PBRM1: variants seen among roughly 807,000 people sequenced by gnomAD.
PBRM1 encodes polybromo 1, also known as protein polybromo-1.
A neutral mutation model predicts 194.5 loss-of-function variants in PBRM1; 27 were observed. The ratio of observed to expected loss-of-function variants is 0.14; its 90% confidence interval spans 0.10 to 0.19. The LOEUF is 0.19. Ranked by LOEUF, PBRM1 falls within the 10% of genes least tolerant of loss-of-function variation. PBRM1 has a pLI of 1.00. For synonymous variants in PBRM1, 655 were observed against 693.2 expected (o/e 0.94, Z 0.87); for missense variants, 1,466 against 2,077.2 (o/e 0.71, Z 5.72).
exon 24 of PBRM1, chr3:52,563,287 G>A (rs1031849363): frequency 1.2e-6 from 2 of 1,611,852 alleles, no homozygotes; most frequent in Non-Finnish European, 1.7e-6. Context: ...CTTCACCTGT[G>A]GGGGTGTGTA....
chr3:52,584,926 A>T (rs1056803430), intron 20 of PBRM1, among the ~76,000 whole-genome samples: 1 of 152,100 alleles, frequency 6.6e-6, no homozygotes, highest in Admixed American at 6.6e-5. Context: ...TATGAATTTA[A>T]AAAAAAATTA....
rs2083648877 is a variant in PBRM1 at position 52,561,982 on chromosome 3, A to T, written c.4087-14T>A. 1 of 1,596,876 alleles carries T rather than the reference A, an allele frequency of 6.3e-7. No individual in the cohort carries two copies. Among genetic ancestry groups the T allele is most frequent in the South Asian group, 1.1e-5 (1 of 90,720 alleles). ...CTTTGGGGTAGACTGTAAGACAGAAAGGTCTTATGGTGCATCAAAACATTA... is the reference window on the plus strand; with the variant it reads ...CTTTGGGGTAGACTGTAAGACAGAATGGTCTTATGGTGCATCAAAACATTA... On this transcript the variant is annotated splice_polypyrimidine_tract_variant and intron_variant, in intron 24 of 29. Transcript: ENST00000296302.
intron 22 of PBRM1, among the ~76,000 whole-genome samples, chr3:52,575,893 A>T (rs916032069): frequency 1.3e-5 from 2 of 152,068 alleles, no homozygotes; most frequent in Admixed American, 6.6e-5. Flanking sequence ...ATATAAATGA[A>T]GAGACAAATT....
intron 13 of PBRM1, among the ~76,000 whole-genome samples, chr3:52,622,151 C>T (rs148649751): frequency 1.1e-3 from 164 of 152,186 alleles, no homozygotes; most frequent in African/African-American, 3.8e-3. Context: ...ACCAGCCTGG[C>T]CAACATGGCA....
At chr3:52,556,836 T>TG (rs542358424) in intron 26 of PBRM1, among the ~76,000 whole-genome samples, 230 of 152,060 alleles carry the variant, frequency 1.5e-3, no homozygotes, top group African/African-American at 5.5e-3. Context: ...CCCTAAATAA[T>TG]GGAGCAGGGG....
intron 17 of PBRM1, among the ~76,000 whole-genome samples, chr3:52,602,025 A>G (rs548996581): frequency 5.2e-4 from 79 of 152,248 alleles, no homozygotes; most frequent in Non-Finnish European, 9.1e-4. Context: ...CTAATTGTCA[A>G]TTGGGCTGGA....
chr3:52,666,246 T>C (rs1197123332), intron 3 of PBRM1, among the ~76,000 whole-genome samples: 1 of 152,044 alleles, frequency 6.6e-6, no homozygotes, highest in South Asian at 2.1e-4. Flanking sequence ...TGAGACCTCA[T>C]CTCTTAAAAA....
intron 15 of PBRM1, among the ~76,000 whole-genome samples, chr3:52,612,850 G>T (rs2094712609): frequency 6.7e-6 from 1 of 149,476 alleles, no homozygotes; most frequent in Admixed American, 6.8e-5. Flanking sequence ...AGTCTGTAGT[G>T]AGCCGAGATC....
At chr3:52,596,035 A>G (rs748292590) in intron 17 of PBRM1, among the ~76,000 whole-genome samples, 1 of 152,148 alleles carries the variant, frequency 6.6e-6, no homozygotes. Context: ...GCTGTTTCAG[A>G]TACTATATAG....
intron 13 of PBRM1, among the ~76,000 whole-genome samples, chr3:52,623,711 G>A (rs2095354343): frequency 2.0e-5 from 3 of 152,104 alleles, no homozygotes; most frequent in African/African-American, 7.2e-5. Context: ...ATCCTATGAA[G>A]GTACTGTCAT....
At chr3:52,589,325 G>C in intron 17 of PBRM1, 70 bp from the exon 20 acceptor site, 1 of 981,774 alleles carries the variant, frequency 1.0e-6, no homozygotes, top group Admixed American at 2.7e-5. Context: ...CAGATGTAGG[G>C]TTCAAACAAC....
intron 22 of PBRM1, among the ~76,000 whole-genome samples, chr3:52,571,941 G>C (rs529267891): frequency 2.0e-5 from 3 of 149,794 alleles, no homozygotes; most frequent in East Asian, 3.9e-4. Context: ...GGAAGGCTGA[G>C]ATGGGAGGAT....
chr3:52,629,497 TGACAG>T, intron 11 of PBRM1, among the ~76,000 whole-genome samples: 2 of 152,342 alleles, frequency 1.3e-5, no homozygotes, highest in Admixed American at 1.3e-4. Context: ...GAGACAGTAC[TGACAG>T]TGCAAAGTAT....
chr3:52,602,650 CAA>C (rs1342713102), intron 17 of PBRM1, among the ~76,000 whole-genome samples: 2 of 152,330 alleles, frequency 1.3e-5, no homozygotes, highest in African/African-American at 2.4e-5. Context: ...TTTTAGCTGG[CAA>C]AGTCATAGAT....
At chr3:52,648,216 C>T in intron 7 of PBRM1, 128 bp downstream of exon 8, 1 of 584,070 alleles carries the variant, frequency 1.7e-6, no homozygotes, top group Non-Finnish European at 3.0e-6. Context: ...CTAAATTAAA[C>T]ACTTTTAATG....
In PBRM1 at chr3:52,591,718, C is replaced by T. The variant is rs138755831; in HGVS notation, c.2780-2463G>A. Among the ~76,000 whole-genome samples the T allele has an allele frequency of 4.9e-3, 742 of 150,422 alleles. 4 individuals are homozygous for T. Among genetic ancestry groups the T allele is most frequent in the Non-Finnish European group, 7.6e-3 (514 of 67,626 alleles). ...TATTTTCAGTAGAGATGGGGTTTCA[C>T]CATCTTGGCCAGGCTGGTCTTGAAC... On this transcript the variant is annotated intron_variant, in intron 17 of 29. Coordinates refer to ENST00000296302, the Ensembl canonical transcript of PBRM1.
At chr3:52,548,457 C>T (rs1178374409) in intron 29 of PBRM1, among the ~76,000 whole-genome samples, 3 of 150,472 alleles carry the variant, frequency 2.0e-5, no homozygotes, top group East Asian at 1.9e-4. Flanking sequence ...CATCGAGTCT[C>T]GCTCTGTCGC....
intron 2 of PBRM1, among the ~76,000 whole-genome samples, chr3:52,669,238 GAA>G (rs11337750): frequency 6.7e-6 from 1 of 149,570 alleles, no homozygotes; most frequent in East Asian, 1.9e-4. Flanking sequence ...AAACTCTTCG[GAA>G]AAAAAAAACC....
intron 13 of PBRM1, among the ~76,000 whole-genome samples, chr3:52,620,788 G>C (rs2095243193): frequency 1.3e-5 from 2 of 152,098 alleles, no homozygotes; most frequent in South Asian, 4.1e-4. Flanking sequence ...TTCTCCATTT[G>C]TATCATTTAT....
Sources: allele counts gnomAD v4.1 joint callset (sites outside exome capture counted in the v4.1 genomes callset), GRCh38; gene constraint gnomAD v4.1.1; transcripts MANE v1.5; gene names NCBI Gene and HGNC (gene_info 2026-07-23, HGNC 2026-07-21).